The following FHIT variants were observed in gnomAD, a reference collection of about 807,000 sequenced individuals.
FHIT encodes the protein fragile histidine triad diadenosine triphosphatase.
In FHIT, 19 loss-of-function variants were observed where a neutral mutation model predicts 17.9. The ratio of observed to expected loss-of-function variants is 1.06; its 90% CI spans 0.74 to 1.56. FHIT has a LOEUF of 1.56. FHIT is among the 40% of genes most tolerant of loss of function. FHIT has a pLI of 0.00. For synonymous variants in FHIT, 81 were observed against 69.7 expected (o/e 1.16, Z -0.81); for missense variants, 248 against 189.2 (o/e 1.31, Z -1.82).
intron 3 of FHIT, among the ~76,000 whole-genome samples, chr3:61,008,286 G>A (rs1313625989): frequency 2.6e-5 from 4 of 152,190 alleles, no homozygotes; most frequent in Non-Finnish European, 5.9e-5. Context: ...GGAATCACAT[G>A]CCTGTTATGT....
chr3:60,791,670 G>A (rs1255225260), intron 4 of FHIT, among the ~76,000 whole-genome samples: 1 of 152,120 alleles, frequency 6.6e-6, no homozygotes, highest in African/African-American at 2.4e-5. Context: ...TACACCTGAG[G>A]CACCCAGCAC....
intron 4 of FHIT, among the ~76,000 whole-genome samples, chr3:60,706,918 T>C (rs2041387703): frequency 6.6e-6 from 1 of 152,204 alleles, no homozygotes; most frequent in South Asian, 2.1e-4. Context: ...TCTTTTCTCA[T>C]CTTGTCCGAG....
intron 4 of FHIT, among the ~76,000 whole-genome samples, chr3:60,654,040 G>A (rs1316431019): frequency 6.6e-6 from 1 of 152,106 alleles, no homozygotes; most frequent in Non-Finnish European, 1.5e-5. Flanking sequence ...GAGATCTGGT[G>A]GTTTAAAATT....
chr3:60,170,844 T>A (rs1288948281), intron 5 of FHIT, among the ~76,000 whole-genome samples: 2 of 152,190 alleles, frequency 1.3e-5, no homozygotes, highest in African/African-American at 4.8e-5. Flanking sequence ...TATTTAATTA[T>A]CTATTTTTTC....
intron 3 of FHIT, among the ~76,000 whole-genome samples, chr3:61,015,585 A>C (rs1459503678): frequency 6.6e-6 from 1 of 152,186 alleles, no homozygotes; most frequent in East Asian, 1.9e-4. Flanking sequence ...TTTTAAAGCA[A>C]ATCAGCACTC....
chr3:60,697,156 T>C (rs1223397910), intron 4 of FHIT, among the ~76,000 whole-genome samples: 4 of 152,212 alleles, frequency 2.6e-5, no homozygotes, highest in Admixed American at 2.6e-4. Flanking sequence ...TCAATTTATA[T>C]AAAATTTAAA....
At chr3:61,017,615 C>T (rs919542015) in intron 3 of FHIT, among the ~76,000 whole-genome samples, 1 of 152,154 alleles carries the variant, frequency 6.6e-6, no homozygotes, top group Non-Finnish European at 1.5e-5. Context: ...TCCCTGAATA[C>T]AGGGACCAAA....
At chr3:59,792,368 A>T (rs1575502198) in intron 8 of FHIT, among the ~76,000 whole-genome samples, 1 of 152,342 alleles carries the variant, frequency 6.6e-6, no homozygotes, top group East Asian at 1.9e-4. Flanking sequence ...ACAATTGAAG[A>T]AACATGACTT....
At chr3:59,977,020 G>A (rs951257087) in intron 7 of FHIT, among the ~76,000 whole-genome samples, 2 of 152,040 alleles carry the variant, frequency 1.3e-5, no homozygotes, top group East Asian at 1.9e-4. Context: ...ATCAGGCAGT[G>A]GGGGACAGTG....
At chr3:60,272,258 A>C (rs1216466862) in intron 5 of FHIT, among the ~76,000 whole-genome samples, 2 of 152,236 alleles carry the variant, frequency 1.3e-5, no homozygotes, top group East Asian at 3.8e-4. Flanking sequence ...GAATTTAACA[A>C]GTATGTCTAG....
intron 7 of FHIT, among the ~76,000 whole-genome samples, chr3:59,940,461 C>T (rs1706459117): frequency 6.6e-6 from 1 of 152,062 alleles, no homozygotes; most frequent in African/African-American, 2.4e-5. Context: ...AATGTGGAGT[C>T]AATATACTTA....
chr3:61,024,284 C>T lies in FHIT; in HGVS notation c.-111+17763G>A, dbSNP rs2032616659. On this transcript the variant is annotated intron_variant, in intron 3 of 9. Transcript: ENST00000492590. ...TTCTAAAGAAATTATAATACTAAGACTTTTATATGACATTCAACCCTGTTT... is the reference window on the plus strand; with the variant it reads ...TTCTAAAGAAATTATAATACTAAGATTTTTATATGACATTCAACCCTGTTT... Among the ~76,000 whole-genome samples, 4 of 152,210 alleles carry T rather than the reference C, an allele frequency of 2.6e-5. No homozygotes were observed. In the South Asian group the frequency reaches 8.3e-4, roughly 32 times the overall value.
chr3:60,371,773 G>A (rs1338973989), intron 5 of FHIT, among the ~76,000 whole-genome samples: 2 of 151,740 alleles, frequency 1.3e-5, no homozygotes, highest in African/African-American at 2.4e-5. Flanking sequence ...AGGACATTGG[G>A]GAAGTAAAGA....
intron 5 of FHIT, among the ~76,000 whole-genome samples, chr3:60,364,100 C>T (rs1241545771): frequency 6.6e-6 from 1 of 152,198 alleles, no homozygotes; most frequent in Non-Finnish European, 1.5e-5. Context: ...TGTAAATATA[C>T]TCTTTAATAT....
chr3:60,175,220 A>G (rs1701615071), intron 5 of FHIT, among the ~76,000 whole-genome samples: 1 of 152,236 alleles, frequency 6.6e-6, no homozygotes, highest in East Asian at 1.9e-4. Flanking sequence ...CTAGATAACC[A>G]GGACACAGTA....
chr3:60,144,787 C>T (rs960164326), intron 5 of FHIT, among the ~76,000 whole-genome samples: 1 of 152,088 alleles, frequency 6.6e-6, no homozygotes, highest in African/African-American at 2.4e-5. Flanking sequence ...CAATATTTTA[C>T]TGTTAATCAT....
At chr3:60,195,329 C>T (rs1380197211) in intron 5 of FHIT, among the ~76,000 whole-genome samples, 1 of 151,756 alleles carries the variant, frequency 6.6e-6, no homozygotes, top group East Asian at 1.9e-4. Context: ...TTAGTACAAC[C>T]TTTATGGAAA....
chr3:59,967,906 T>A (rs1024274257), intron 7 of FHIT, among the ~76,000 whole-genome samples: 1 of 151,860 alleles, frequency 6.6e-6, no homozygotes, highest in African/African-American at 2.4e-5. Flanking sequence ...AGAAAAGATA[T>A]CTTAGAAAAT....
At chr3:59,928,986 C>T (rs1486640546) in intron 7 of FHIT, among the ~76,000 whole-genome samples, 1 of 96,482 alleles carries the variant, frequency 1.0e-5, no homozygotes, top group African/African-American at 4.2e-5. Context: ...CAGAGTGAGA[C>T]TTCATCTCAA....
Sources: gnomAD v4.1 joint callset for allele counts (sites outside exome capture counted in the v4.1 genomes callset) on GRCh38, gnomAD v4.1.1 for gene constraint, MANE v1.5 for transcripts, NCBI Gene and HGNC (gene_info 2026-07-23, HGNC 2026-07-21) for gene names.